Variants in HBS1L observed in about 807,000 individuals in gnomAD.
The protein encoded by HBS1L is HBS1-like protein.
HBS1L carries 55 observed loss-of-function variants against 88.9 expected under a neutral mutation model. That is an observed-to-expected ratio of 0.62 (90% CI 0.50 to 0.77). HBS1L has a LOEUF of 0.77. Ranked by LOEUF, HBS1L falls within the 30% of genes least tolerant of loss-of-function variation. The pLI, the probability that HBS1L is intolerant of heterozygous loss-of-function variation, is 0.00. For missense variants in HBS1L, 741 were observed against 829.3 expected, an observed-to-expected ratio of 0.89 and a Z score of 1.31; for synonymous variants, 267 against 288.5, an observed-to-expected ratio of 0.93 and a Z score of 0.76.
At chr6:134,977,446 C>T (rs2114763872) in intron 15 of HBS1L, among the ~76,000 whole-genome samples, 1 of 152,096 alleles carries the variant, frequency 6.6e-6, no homozygotes, top group Non-Finnish European at 1.5e-5. Flanking sequence ...ATGATCAATA[C>T]ATGAATTCTG....
chr6:135,021,640 T>C (rs927137107), intron 4 of HBS1L, among the ~76,000 whole-genome samples: 13 of 152,140 alleles, frequency 8.5e-5, no homozygotes, highest in Admixed American at 2.6e-4. Flanking sequence ...GATTCAATTT[T>C]ATCCCTACGA....
intron 4 of HBS1L, among the ~76,000 whole-genome samples, chr6:135,031,217 A>T (rs574359499): frequency 6.6e-6 from 1 of 152,200 alleles, no homozygotes; most frequent in South Asian, 2.1e-4. Context: ...TGCTATACAC[A>T]TCCATTAAAT....
intron 2 of HBS1L, among the ~76,000 whole-genome samples, chr6:135,049,563 A>G (rs750944771): frequency 2.6e-5 from 4 of 152,072 alleles, no homozygotes; most frequent in East Asian, 3.9e-4. Context: ...TTTTTATACC[A>G]TATTAAATTT....
At chr6:134,999,995 G>C (rs1376727589) in intron 5 of HBS1L, among the ~76,000 whole-genome samples, 2 of 152,078 alleles carry the variant, frequency 1.3e-5, no homozygotes, top group Admixed American at 6.6e-5. Flanking sequence ...GAAAGAATAA[G>C]TTGGTTGGAT....
intron 3 of HBS1L, among the ~76,000 whole-genome samples, chr6:135,040,594 C>T (rs1776703821): frequency 6.6e-6 from 1 of 152,072 alleles, no homozygotes; most frequent in Non-Finnish European, 1.5e-5. Context: ...CAGGTTTCCA[C>T]CTGCCTCGGC....
chr6:134,968,250 T>C (rs1303554512), intron 16 of HBS1L, among the ~76,000 whole-genome samples: 1 of 151,972 alleles, frequency 6.6e-6, no homozygotes, highest in Non-Finnish European at 1.5e-5. Context: ...AAATCTTTTT[T>C]TTTTTTTCTT....
chr6:135,048,256 G>A (rs1327627693), intron 2 of HBS1L, among the ~76,000 whole-genome samples: 2 of 152,112 alleles, frequency 1.3e-5, no homozygotes, highest in Non-Finnish European at 2.9e-5. Flanking sequence ...GTTTCTTCCA[G>A]TAACTGCAAT....
chr6:134,973,393 G>A (rs1774548939), intron 15 of HBS1L, among the ~76,000 whole-genome samples: 1 of 152,324 alleles, frequency 6.6e-6, no homozygotes, highest in African/African-American at 2.4e-5. Flanking sequence ...CCTAGAGCAG[G>A]CAAATTCACA....
intron 5 of HBS1L, 124 bp downstream of exon 5, chr6:135,002,610 T>G: frequency 1.6e-6 from 1 of 618,826 alleles, no homozygotes; most frequent in South Asian, 1.9e-5. Context: ...ACTGAGGATA[T>G]ATGATACTTC....
chr6:134,978,142 G>C (rs1562276333), intron 15 of HBS1L, among the ~76,000 whole-genome samples: 1 of 151,736 alleles, frequency 6.6e-6, no homozygotes, highest in Non-Finnish European at 1.5e-5. Flanking sequence ...ATACCAACTG[G>C]GTGGATAATA....
Position 135,042,104 on chromosome 6 carries a change from C to T in HBS1L, c.132G>A (p.Arg44=), listed in dbSNP as rs1403949002. 1 of 1,612,806 alleles carries T rather than the reference C, an allele frequency of 6.2e-7. No homozygotes were observed. The highest frequency in any genetic ancestry group is 8.5e-7 in the Non-Finnish European group (1 of 1,179,294). Residue 44 remains arginine (R), a synonymous_variant, in exon 3 of 18, where the codon CGG becomes CGA. Coordinates refer to ENST00000367837, the MANE Select transcript of HBS1L (RefSeq NM_006620.4). The part of the protein sequence containing the change: ...PSTAAQFIYS[R]RDKPSVEPVE... ...CAGGCTCAACGGAAGGTTTGTCACG[C>T]CGTGAATAAATAAACTGAGCAGCTA... is the stretch of plus-strand genomic sequence containing the variant.
chr6:135,002,820 T>C lies in HBS1L; in HGVS notation c.453A>G (p.Thr151=). 1 of 1,597,908 alleles carries C rather than the reference T, an allele frequency of 6.3e-7. No homozygotes were observed. The highest frequency in any genetic ancestry group is 8.6e-7 in the Non-Finnish European group (1 of 1,167,538). ...IAKGKPVDSQ[T]SRSESEIVPK... ...GCACAATTTCAGATTCACTTCGCGA[T>C]GTCTGGGAATCTACTGGTTTTCCTA... Residue 151 remains threonine, a synonymous_variant, in exon 5 of 18, where the codon ACA becomes ACG. Coordinates refer to ENST00000367837, the MANE Select transcript of HBS1L (RefSeq NM_006620.4).
intron 4 of HBS1L, among the ~76,000 whole-genome samples, chr6:135,027,703 A>G (rs528039288): frequency 6.6e-6 from 1 of 152,280 alleles, no homozygotes; most frequent in South Asian, 2.1e-4. Flanking sequence ...ATTAAAACCA[A>G]GTGCTAGTTC....
intron 15 of HBS1L, among the ~76,000 whole-genome samples, chr6:134,970,280 A>C (rs1462149745): frequency 2.0e-5 from 3 of 152,070 alleles, no homozygotes; most frequent in Admixed American, 6.6e-5. Context: ...TTACAGGTGC[A>C]CACCACCGTG....
intron 4 of HBS1L, among the ~76,000 whole-genome samples, chr6:135,021,813 T>C (rs530395100): frequency 6.6e-6 from 1 of 152,212 alleles, no homozygotes; most frequent in Non-Finnish European, 1.5e-5. Context: ...TTATTTTATA[T>C]GAGCCTCACC....
Position 134,968,496 on chromosome 6 carries a change from G to A in HBS1L, c.1898+742C>T, listed in dbSNP as rs528440494. Among the ~76,000 whole-genome samples, 31 of 152,232 alleles carry A rather than the reference G, an allele frequency of 2.0e-4. No homozygotes were observed. In the East Asian group the frequency reaches 2.5e-3, roughly 12 times the overall value. ...ACTCCAGACCTCAGGTGATCTGCCC[G>A]CCTTGGCCTCTCAAAGTGCTAGGAT... is the stretch of plus-strand genomic sequence containing the variant. On this transcript the variant is annotated intron_variant, in intron 16 of 17. Coordinates refer to ENST00000367837, the MANE Select transcript of HBS1L (RefSeq NM_006620.4).
intron 6 of HBS1L, 143 bp downstream of exon 6, chr6:134,997,254 G>T: frequency 1.1e-6 from 1 of 930,062 alleles, no homozygotes; most frequent in Non-Finnish European, 1.6e-6. Context: ...CTCCCCACAT[G>T]ACTAGAAAGC....
chr6:134,993,899 A>T (rs1412302512), intron 7 of HBS1L, 24 bp from the exon 8 acceptor site: 3 of 1,122,278 alleles, frequency 2.7e-6, no homozygotes, highest in Non-Finnish European at 4.0e-6. Flanking sequence ...TAACATGGTT[A>T]GAATGTACGA....
At chr6:135,034,460 G>A (rs559287026) in intron 4 of HBS1L, among the ~76,000 whole-genome samples, 30 of 152,204 alleles carry the variant, frequency 2.0e-4, no homozygotes, top group African/African-American at 6.5e-4. Context: ...CCTGGCCAAC[G>A]TGGTGAAACC....
Sources: allele counts gnomAD v4.1 joint callset (sites outside exome capture counted in the v4.1 genomes callset), GRCh38; gene constraint gnomAD v4.1.1; transcripts MANE v1.5; gene names NCBI Gene and HGNC (gene_info 2026-07-23, HGNC 2026-07-21).